CSNK1G2: variants seen among roughly 807,000 people sequenced by gnomAD.
The protein encoded by CSNK1G2 is casein kinase 1 gamma 2.
Under a neutral mutation model 48.0 loss-of-function variants are expected in CSNK1G2, and 11 were observed. The observed-to-expected ratio is 0.23, with a 90% CI of 0.14 to 0.38. The LOEUF (loss-of-function observed/expected upper bound fraction) is 0.38, where lower values mean the gene tolerates loss of function less well. CSNK1G2 is among the 10% of genes least tolerant of loss of function. The pLI, the probability that CSNK1G2 is intolerant of heterozygous loss-of-function variation, is 1.00. For synonymous variants in CSNK1G2, 337 were observed against 254.1 expected, an observed-to-expected ratio of 1.33 and a Z score of -3.10; for missense variants, 446 against 595.5, an observed-to-expected ratio of 0.75 and a Z score of 2.61.
intron 1 of CSNK1G2, among the ~76,000 whole-genome samples, chr19:1,943,688 C>T (rs1843399942): frequency 6.6e-6 from 1 of 152,122 alleles, no homozygotes; most frequent in African/African-American, 2.4e-5. Flanking sequence ...TCTAGCGCCC[C>T]AGCAGATGCG....
At chr19:1,956,088 T>G (rs761054547) in intron 1 of CSNK1G2, among the ~76,000 whole-genome samples, 13 of 152,076 alleles carry the variant, frequency 8.5e-5, no homozygotes, top group Non-Finnish European at 1.6e-4. Flanking sequence ...TCCTCCTGCC[T>G]CCAGGTCATG....
At chr19:1,963,228 C>T (rs888317549) in intron 1 of CSNK1G2, among the ~76,000 whole-genome samples, 69 of 151,958 alleles carry the variant, frequency 4.5e-4, no homozygotes, top group African/African-American at 1.7e-3. Context: ...TTTATTATAG[C>T]CCATTGATTC....
chr19:1,964,674 T>C (rs912524433), intron 1 of CSNK1G2, among the ~76,000 whole-genome samples: 3 of 152,144 alleles, frequency 2.0e-5, no homozygotes, highest in African/African-American at 7.2e-5. Flanking sequence ...ACCTGGCTTA[T>C]GGAATATTTG....
At chr19:1,941,744 C>T (rs113632485) in intron 1 of CSNK1G2, among the ~76,000 whole-genome samples, 1 of 150,252 alleles carries the variant, frequency 6.7e-6, no homozygotes, top group Non-Finnish European at 1.5e-5. Flanking sequence ...GCCCCAGTGA[C>T]CCTCACACTC....
At chr19:1,977,876 A>G (rs2015813505) in intron 2 of CSNK1G2, among the ~76,000 whole-genome samples, 1 of 151,738 alleles carries the variant, frequency 6.6e-6, no homozygotes, top group Non-Finnish European at 1.5e-5. Context: ...CTTCTAACCC[A>G]TGTGGGCCAC....
chr19:1,948,562 T>G, intron 1 of CSNK1G2, among the ~76,000 whole-genome samples: 1 of 136,208 alleles, frequency 7.3e-6, no homozygotes. Context: ...AAAGATCCCG[T>G]CACACTGACC....
chr19:1,964,761 C>T (rs1285565283), intron 1 of CSNK1G2, among the ~76,000 whole-genome samples: 38 of 150,454 alleles, frequency 2.5e-4, no homozygotes, highest in South Asian at 1.9e-3. Context: ...GATTCTCGCT[C>T]GTCACCCAGG....
Position 1,980,622 on chromosome 19 carries a change from T to G in CSNK1G2, c.*419T>G, listed in dbSNP as rs934421561. 1 of 224,260 alleles carries G rather than the reference T, an allele frequency of 4.5e-6. No homozygotes were observed. Among genetic ancestry groups the G allele is most frequent in the Non-Finnish European group, 9.1e-6 (1 of 110,356 alleles). 13.9% of individuals were successfully genotyped at this position (224,260 alleles called of 1,614,324 possible). A position where few individuals can be genotyped will look rare whatever the true frequency, so the allele number is the denominator to read the frequency against. On this transcript the variant is annotated 3_prime_UTR_variant, in exon 12 of 12. Coordinates refer to ENST00000255641, the MANE Select transcript of CSNK1G2 (RefSeq NM_001319.7). Reference sequence around the variant, plus strand: ...ATAAAGTCCAGCTTGTCTCCCTCGATCCAAAGGCCGTTTTCTCGAGGGGAG... The same window carrying G: ...ATAAAGTCCAGCTTGTCTCCCTCGAGCCAAAGGCCGTTTTCTCGAGGGGAG...
chr19:1,959,507 G>A (rs2015118076), intron 1 of CSNK1G2, among the ~76,000 whole-genome samples: 2 of 119,766 alleles, frequency 1.7e-5, no homozygotes, highest in African/African-American at 3.4e-5. Context: ...CCCAGCACCC[G>A]CCCCACCTTT....
intron 2 of CSNK1G2, among the ~76,000 whole-genome samples, chr19:1,976,437 T>C (rs1000592141): frequency 4.6e-5 from 7 of 152,302 alleles, no homozygotes; most frequent in African/African-American, 1.4e-4. Flanking sequence ...GACAAGCTGA[T>C]TGGAAACTGT....
At chr19:1,955,407 C>G (rs1258141472) in intron 1 of CSNK1G2, among the ~76,000 whole-genome samples, 18 of 151,628 alleles carry the variant, frequency 1.2e-4, no homozygotes, top group Admixed American at 2.6e-4. Context: ...GGCAGGTGTG[C>G]AAGCAGTGCT....
At position 1,979,655 on chromosome 19, in the gene CSNK1G2, G is replaced by A. The variant is rs921283190; in HGVS notation, c.1002+12G>A. On this transcript the variant is annotated intron_variant, in intron 9 of 11. Coordinates refer to ENST00000255641, the MANE Select transcript of CSNK1G2 (RefSeq NM_001319.7). ...CCGGGAAGCCCCTGGTAGGTGGGGG[G>A]GTGCCGGTATGTGGGAGCGGGGGAC... 4 of 1,602,126 alleles carry A rather than the reference G, an allele frequency of 2.5e-6. No homozygotes were observed. Among genetic ancestry groups the A allele is most frequent in the East Asian group, 2.2e-5 (1 of 44,862 alleles).
chr19:1,974,199 T>C (rs1321192561), intron 2 of CSNK1G2, among the ~76,000 whole-genome samples: 1 of 152,104 alleles, frequency 6.6e-6, no homozygotes, highest in Non-Finnish European at 1.5e-5. Context: ...GCCAGATCAT[T>C]TATAATGAAC....
At chr19:1,959,156 T>G (rs2015107116) in intron 1 of CSNK1G2, 1 of 152,010 alleles carries the variant, frequency 6.6e-6, no homozygotes, top group Non-Finnish European at 1.5e-5. Flanking sequence ...GTCTGTGCCA[T>G]CTAATAGAGG....
chr19:1,942,087 C>T (rs1167507174), intron 1 of CSNK1G2, among the ~76,000 whole-genome samples: 1 of 152,156 alleles, frequency 6.6e-6, no homozygotes, highest in African/African-American at 2.4e-5. Flanking sequence ...GTGGTCTGAT[C>T]CGCAGGGACC....
At chr19:1,945,133 G>C (rs1056237278) in intron 1 of CSNK1G2, among the ~76,000 whole-genome samples, 12 of 152,208 alleles carry the variant, frequency 7.9e-5, no homozygotes, top group Non-Finnish European at 5.9e-5. Flanking sequence ...GCCCTGCCCA[G>C]AGTCTCTGGC....
At position 1,951,406 on chromosome 19, in the gene CSNK1G2, A is replaced by T. The variant is rs2014758446; in HGVS notation, c.-266+9988A>T. Among the ~76,000 whole-genome samples the T allele has an allele frequency of 4.2e-5, 6 of 142,406 alleles. 1 individual carries two copies. In the South Asian group the frequency reaches 1.4e-3, roughly 32 times the overall value. 93.4% of individuals were successfully genotyped at this position (142,406 alleles called of 152,430 possible). On this transcript the variant is annotated intron_variant, in intron 1 of 11. Transcript: ENST00000255641. ...CGACAGAGTGAGACTCCGTCTCAAA[A>T]AAAAAATAAAAAAAATCAAAGATGG...
Position 1,978,380 on chromosome 19 carries a change from T to C in CSNK1G2, c.228+35T>C, listed in dbSNP as rs1381649589. The C allele has an allele frequency of 3.1e-6, 5 of 1,595,046 alleles. No individual in the cohort carries two copies. The highest frequency in any genetic ancestry group is 4.3e-6 in the Non-Finnish European group (5 of 1,163,630). On this transcript the variant is annotated intron_variant, in intron 3 of 11. Transcript: ENST00000255641. This position sits in a 1 kb window ranked among gnomAD's most constrained non-coding sequence, Gnocchi z 7.3. ...CCCCTCCACCCCACCCCCGCTGACG[T>C]GCCCCCCAGGGATTTCAGGGCAGCG... is the stretch of plus-strand genomic sequence containing the variant.
At position 1,962,772 on chromosome 19, in the gene CSNK1G2, C is replaced by G. The variant is rs536602754; in HGVS notation, c.-265-6736C>G. The stretch of plus-strand genomic sequence containing the variant: ...GTGCAGCAGCCACTGTGGAGACGAC[C>G]TGGTGGCTCCTCAAAGATGCACAGA... On this transcript the variant is annotated intron_variant, in intron 1 of 11. Coordinates refer to ENST00000255641, the MANE Select transcript of CSNK1G2 (RefSeq NM_001319.7). Among the ~76,000 whole-genome samples, 8 of 143,228 alleles carry G rather than the reference C, an allele frequency of 5.6e-5. No individual in the cohort carries two copies. The South Asian group carries it at 1.5e-3, about 27-fold the overall frequency. The allele number at this position is 143,228 out of a possible 152,430, so 94.0% of individuals were successfully genotyped here. A position where few individuals can be genotyped will look rare whatever the true frequency, so the allele number is the denominator to read the frequency against.
Sources: allele counts gnomAD v4.1 joint callset (sites outside exome capture counted in the v4.1 genomes callset), GRCh38; gene constraint gnomAD v4.1.1; non-coding constraint Gnocchi (gnomAD v3.1); transcripts MANE v1.5; gene names NCBI Gene and HGNC (gene_info 2026-07-23, HGNC 2026-07-21).